Variants in CNTNAP5 observed in about 807,000 individuals in gnomAD.
The protein encoded by CNTNAP5 is contactin associated protein family member 5.
In CNTNAP5, 72 loss-of-function variants were observed where a neutral mutation model predicts 150.2. The ratio of observed to expected loss-of-function variants is 0.48; its 90% CI spans 0.40 to 0.58. CNTNAP5 has a LOEUF of 0.58. Among genes scored for constraint, CNTNAP5 ranks in the 20% least tolerant of loss-of-function variants. The probability of loss-of-function intolerance (pLI) is 0.00; values close to 1 mark genes in which losing one functional copy is unlikely to be tolerated. For missense variants in CNTNAP5, 1,636 were observed against 1,626.2 expected (o/e 1.01, Z -0.10); for synonymous variants, 672 against 619.8 (o/e 1.08, Z -1.25).
chr2:124,115,792 T>TTTTGTGTGTG (rs1683414593), intron 1 of CNTNAP5, among the ~76,000 whole-genome samples: 2 of 138,206 alleles, frequency 1.4e-5, no homozygotes, highest in Admixed American at 1.5e-4. Flanking sequence ...GCCTGGCTAA[T>TTTTGTGTGTG]TGTGTGTGTG....
At chr2:124,642,848 G>A (rs770871006) in intron 12 of CNTNAP5, among the ~76,000 whole-genome samples, 30 of 152,194 alleles carry the variant, frequency 2.0e-4, no homozygotes, top group Non-Finnish European at 3.4e-4. Flanking sequence ...AGATCTCATA[G>A]CTTTATGAAG....
intron 7 of CNTNAP5, among the ~76,000 whole-genome samples, chr2:124,475,866 A>C (rs1693627833): frequency 6.6e-6 from 1 of 152,094 alleles, no homozygotes; most frequent in African/African-American, 2.4e-5. Flanking sequence ...TAATTGGTCT[A>C]TTTAGCAAAT....
At chr2:124,864,636 G>A (rs1361384246) in intron 19 of CNTNAP5, among the ~76,000 whole-genome samples, 1 of 151,616 alleles carries the variant, frequency 6.6e-6, no homozygotes, top group South Asian at 2.1e-4. Flanking sequence ...TGTCTCCTGG[G>A]AGTCTCATAT....
At chr2:124,664,868 G>C (rs909782231) in intron 13 of CNTNAP5, among the ~76,000 whole-genome samples, 2 of 152,130 alleles carry the variant, frequency 1.3e-5, no homozygotes, top group Non-Finnish European at 2.9e-5. Flanking sequence ...TGTATTTTTA[G>C]TAGAGATGGG....
intron 18 of CNTNAP5, among the ~76,000 whole-genome samples, chr2:124,793,269 A>T (rs1277713960): frequency 1.3e-5 from 2 of 152,188 alleles, no homozygotes; most frequent in Non-Finnish European, 2.9e-5. Flanking sequence ...TTTGACTTGC[A>T]TTCCCTAATG....
rs189451693 is a variant in CNTNAP5 at position 124,744,886 on chromosome 2, A to G, written c.2078-2343A>G. On this transcript the variant is annotated intron_variant, in intron 13 of 23. Transcript: ENST00000682447. ...AGAGACCAAGACACAAAGATGGGAC[A>G]TCTAAAGGGAAAATCTAGCAATAAT... Among the ~76,000 whole-genome samples the G allele has an allele frequency of 4.1e-3, 620 of 152,338 alleles. 1 individual carries two copies. The highest frequency in any genetic ancestry group is 6.3e-3 in the Non-Finnish European group (430 of 68,024).
intron 4 of CNTNAP5, among the ~76,000 whole-genome samples, chr2:124,419,453 C>A (rs1692025538): frequency 6.6e-6 from 1 of 152,140 alleles, no homozygotes; most frequent in Non-Finnish European, 1.5e-5. Flanking sequence ...TGATAAGGAA[C>A]ACTCTATCCA....
intron 3 of CNTNAP5, among the ~76,000 whole-genome samples, chr2:124,278,432 T>C (rs560102963): frequency 2.2e-4 from 33 of 152,312 alleles, no homozygotes; most frequent in Non-Finnish European, 4.1e-4. Context: ...CTCAGCTTTA[T>C]ATGGAAATGA....
In CNTNAP5 at chr2:124,647,971, C is replaced by T. The variant is rs1049509997; in HGVS notation, c.2077+13C>T. 4 of 1,580,384 alleles carry T rather than the reference C, an allele frequency of 2.5e-6. No homozygotes were observed. Among genetic ancestry groups the T allele is most frequent in the African/African-American group, 1.3e-5 (1 of 74,242 alleles). ...CTCAACACGCCGGGTAAGGCCTCTG[C>T]ATGCATGACCACAGTGGGATAGATG... On this transcript the variant is annotated intron_variant, in intron 13 of 23. Coordinates refer to ENST00000682447, the MANE Select transcript of CNTNAP5 (RefSeq NM_001367498.1).
intron 11 of CNTNAP5, among the ~76,000 whole-genome samples, chr2:124,591,907 G>A (rs1288885945): frequency 6.6e-6 from 1 of 151,816 alleles, no homozygotes; most frequent in East Asian, 1.9e-4. Flanking sequence ...TAAAAATGCT[G>A]TTTTCTTAAA....
chr2:124,388,669 A>G (rs1690996933), intron 3 of CNTNAP5, among the ~76,000 whole-genome samples: 1 of 152,142 alleles, frequency 6.6e-6, no homozygotes, highest in African/African-American at 2.4e-5. Context: ...GACTTCAAGC[A>G]CCAAGCACGG....
intron 10 of CNTNAP5, among the ~76,000 whole-genome samples, chr2:124,541,329 C>A (rs1030415587): frequency 6.6e-6 from 1 of 151,770 alleles, no homozygotes; most frequent in South Asian, 2.1e-4. Context: ...CACCTCCCAT[C>A]CCTTCCCTGG....
chr2:124,542,487 C>A (rs2104907686), intron 10 of CNTNAP5, among the ~76,000 whole-genome samples: 1 of 151,926 alleles, frequency 6.6e-6, no homozygotes, highest in Middle Eastern at 3.4e-3. Context: ...TCCAGAAGTG[C>A]ACCACTGCCT....
chr2:124,188,591 C>A (rs915977118), intron 1 of CNTNAP5, among the ~76,000 whole-genome samples: 3 of 151,326 alleles, frequency 2.0e-5, no homozygotes, highest in Non-Finnish European at 4.4e-5. Context: ...TGGTGGCGGG[C>A]GCCTGTAGTC....
At chr2:124,733,842 A>C (rs938153412) in intron 13 of CNTNAP5, among the ~76,000 whole-genome samples, 7 of 152,216 alleles carry the variant, frequency 4.6e-5, no homozygotes, top group Admixed American at 4.6e-4. Flanking sequence ...AGATTTGGAA[A>C]GAAATCTGCA....
chr2:124,586,564 T>C (rs1456210658), intron 11 of CNTNAP5, among the ~76,000 whole-genome samples: 1 of 152,244 alleles, frequency 6.6e-6, no homozygotes, highest in Non-Finnish European at 1.5e-5. Context: ...TCATTTCTTA[T>C]TTAAACTTTC....
chr2:124,610,160 A>G (rs1009679232), intron 12 of CNTNAP5, among the ~76,000 whole-genome samples: 3 of 152,238 alleles, frequency 2.0e-5, no homozygotes, highest in Admixed American at 1.3e-4. Flanking sequence ...GCAAGAATTA[A>G]TTATCAGTGG....
intron 19 of CNTNAP5, among the ~76,000 whole-genome samples, chr2:124,838,797 A>AT (rs964738879): frequency 6.6e-6 from 1 of 151,936 alleles, no homozygotes; most frequent in South Asian, 2.1e-4. Flanking sequence ...TGAAACTTGC[A>AT]TTTTTTTTCT....
intron 1 of CNTNAP5, among the ~76,000 whole-genome samples, chr2:124,199,864 A>G (rs1244168373): frequency 6.6e-6 from 1 of 152,166 alleles, no homozygotes; most frequent in African/African-American, 2.4e-5. Context: ...CATTCTCATA[A>G]TCTCTATGTA....
Sources: allele counts gnomAD v4.1 joint callset (sites outside exome capture counted in the v4.1 genomes callset), GRCh38; gene constraint gnomAD v4.1.1; transcripts MANE v1.5; gene names NCBI Gene and HGNC (gene_info 2026-07-23, HGNC 2026-07-21).